The following KCNJ6 variants were observed in gnomAD, a reference collection of about 807,000 sequenced individuals.
The protein encoded by KCNJ6 is G protein-activated inward rectifier potassium channel 2.
KCNJ6 carries 9 observed loss-of-function variants against 34.2 expected under a neutral mutation model. That is an observed-to-expected ratio of 0.26 (90% confidence interval 0.16 to 0.46). The LOEUF (loss-of-function observed/expected upper bound fraction) is 0.46, where lower values mean the gene tolerates loss of function less well. Ranked by LOEUF, KCNJ6 falls within the 20% of genes least tolerant of loss-of-function variation. KCNJ6 has a pLI of 1.00. For missense variants in KCNJ6, 236 were observed against 531.3 expected, an observed-to-expected ratio of 0.44 and a Z score of 5.46; for synonymous variants, 196 against 207.1, an observed-to-expected ratio of 0.95 and a Z score of 0.46.
chr21:37,661,891 G>A (rs2054491326), intron 3 of KCNJ6, among the ~76,000 whole-genome samples: 1 of 151,782 alleles, frequency 6.6e-6, no homozygotes. Flanking sequence ...GCCTCCCAAA[G>A]TGCTGAGATT....
At chr21:37,632,008 G>A (rs901936304) in intron 3 of KCNJ6, among the ~76,000 whole-genome samples, 1 of 152,068 alleles carries the variant, frequency 6.6e-6, no homozygotes. Context: ...GAGTGGCCCC[G>A]ATTGTGTAAA....
At chr21:37,888,870 C>T (rs995101390) in intron 1 of KCNJ6, among the ~76,000 whole-genome samples, 13 of 152,202 alleles carry the variant, frequency 8.5e-5, no homozygotes, top group South Asian at 2.1e-4. Context: ...GGCCATGCTG[C>T]GGCCTAAGCA....
At chr21:37,745,082 T>G (rs1209146382) in intron 2 of KCNJ6, among the ~76,000 whole-genome samples, 6 of 2,130 alleles carry the variant, frequency 2.8e-3, no homozygotes, top group African/African-American at 5.0e-3. Flanking sequence ...GTTTTTTTTT[T>G]TTTTTTTTTT....
chr21:37,895,813 C>T (rs935674206), intron 1 of KCNJ6, among the ~76,000 whole-genome samples: 3 of 152,216 alleles, frequency 2.0e-5, no homozygotes, highest in African/African-American at 2.4e-5. Context: ...AGTTGGAAAT[C>T]TGAGGCAAAG....
At chr21:37,682,028 C>T (rs1424165310) in intron 3 of KCNJ6, among the ~76,000 whole-genome samples, 2 of 152,198 alleles carry the variant, frequency 1.3e-5, no homozygotes, top group African/African-American at 2.4e-5. Context: ...ACATTACTGT[C>T]CTGTTGCTTC....
chr21:37,840,909 A>T (rs770850906), intron 1 of KCNJ6, among the ~76,000 whole-genome samples, 200 bp from the exon 2 acceptor site: 1 of 152,218 alleles, frequency 6.6e-6, no homozygotes, highest in Non-Finnish European at 1.5e-5. Context: ...GGCATTAAAA[A>T]GCTTCCCATT....
chr21:37,625,251 C>G lies in KCNJ6; in HGVS notation c.1180G>C (p.Glu394Gln). 1 of 1,614,210 alleles carries G rather than the reference C, an allele frequency of 6.2e-7. No homozygotes were observed. Residue 394 changes from glutamate (E) to glutamine (Q), a missense_variant, in exon 4 of 4, where the codon GAA becomes CAA. Glu to Gln is a conservative substitution (Grantham distance 29). Around this residue, in one of 5 missense-constraint regions of KCNJ6, gnomAD observed 43 missense variants for 52.1 expected, o/e 0.82. Coordinates refer to ENST00000609713, the MANE Select transcript of KCNJ6 (RefSeq NM_002240.5). ...TTTTCTTCCTCTTCAGTCTCCAGTT[C>G]TGCATGTTGGTTGAGTTTGCTGGAT... ...SVSSKLNQHA[E>Q]LETEEEEKNL...
intron 2 of KCNJ6, among the ~76,000 whole-genome samples, chr21:37,776,086 C>T (rs970484451): frequency 6.6e-6 from 1 of 152,132 alleles, no homozygotes; most frequent in Non-Finnish European, 1.5e-5. Flanking sequence ...AAGCTGGATT[C>T]CTAGGTATTT....
At chr21:37,687,552 C>G (rs142412935) in intron 3 of KCNJ6, among the ~76,000 whole-genome samples, 1 of 152,198 alleles carries the variant, frequency 6.6e-6, no homozygotes, top group South Asian at 2.1e-4. Flanking sequence ...CAGACAGTGA[C>G]GTGTTTGGGC....
At chr21:37,915,429 T>G (rs2055888515) in intron 1 of KCNJ6, among the ~76,000 whole-genome samples, 1 of 152,218 alleles carries the variant, frequency 6.6e-6, no homozygotes, top group South Asian at 2.1e-4. Flanking sequence ...TTTTCCTCCC[T>G]TTCGTGTTGT....
At chr21:37,780,138 T>C (rs1389693920) in intron 2 of KCNJ6, among the ~76,000 whole-genome samples, 1 of 145,714 alleles carries the variant, frequency 6.9e-6, no homozygotes, top group East Asian at 1.9e-4. Flanking sequence ...TAAAAAGACA[T>C]AGTTTTTAAG....
At chr21:37,770,834 CCTT>C (rs1293751170) in intron 2 of KCNJ6, among the ~76,000 whole-genome samples, 5 of 151,926 alleles carry the variant, frequency 3.3e-5, no homozygotes, top group Non-Finnish European at 7.4e-5. Context: ...ATGTTTTCCC[CCTT>C]CTTTTATCTC....
At chr21:37,702,741 G>A (rs994186774) in intron 3 of KCNJ6, among the ~76,000 whole-genome samples, 5 of 152,172 alleles carry the variant, frequency 3.3e-5, no homozygotes, top group Admixed American at 1.3e-4. Flanking sequence ...AATAGGCTCT[G>A]AGGCATTTTG....
intron 2 of KCNJ6, among the ~76,000 whole-genome samples, chr21:37,839,946 GCAC>G (rs1370356323): frequency 1.5e-4 from 23 of 152,084 alleles, no homozygotes; most frequent in Non-Finnish European, 2.9e-4. Context: ...TTGCAGGCAT[GCAC>G]CACCATGCTC....
intron 1 of KCNJ6, among the ~76,000 whole-genome samples, chr21:37,862,911 A>C (rs1447391938): frequency 6.6e-6 from 1 of 152,200 alleles, no homozygotes; most frequent in Admixed American, 6.5e-5. Flanking sequence ...GAGTAGCCAC[A>C]GCTACTGGTT....
At chr21:37,833,480 T>C (rs2055436879) in intron 2 of KCNJ6, among the ~76,000 whole-genome samples, 2 of 152,128 alleles carry the variant, frequency 1.3e-5, no homozygotes, top group Admixed American at 1.3e-4. Context: ...ACATGTGTCA[T>C]GTGTCACTTC....
rs928861476 is a variant in KCNJ6, at chr21:37,613,109, A to AT, written c.*12049dup. ...AAATCAACAATAAGAAAACAACCCG[A>AT]TTTAAAAAAATGCCCAAAAGACCTG... On this transcript the variant is annotated 3_prime_UTR_variant, in exon 4 of 4. Transcript: ENST00000609713. The AT allele has an allele frequency of 4.5e-5, 6 of 134,146 alleles. No homozygotes were observed. The highest frequency in any genetic ancestry group is 1.1e-4 in the African/African-American group (4 of 36,184). The allele number at this position is 134,146 out of a possible 1,614,324, so 8.3% of individuals were successfully genotyped here. A position where few individuals can be genotyped will look rare whatever the true frequency, so the allele number is the denominator to read the frequency against.
intron 3 of KCNJ6, among the ~76,000 whole-genome samples, chr21:37,685,729 G>T: frequency 7.4e-6 from 1 of 135,182 alleles, no homozygotes; most frequent in Non-Finnish European, 1.6e-5. Flanking sequence ...GGATATCAGA[G>T]GTTTACTGCA....
chr21:37,855,014 T>C (rs540739950), intron 1 of KCNJ6, among the ~76,000 whole-genome samples: 36 of 152,254 alleles, frequency 2.4e-4, no homozygotes, highest in African/African-American at 7.9e-4. Flanking sequence ...CAGGATCAAA[T>C]CAATGTTTAT....
Sources: gnomAD v4.1 joint callset for allele counts (sites outside exome capture counted in the v4.1 genomes callset) on GRCh38, gnomAD v4.1.1 for gene constraint, gnomAD v4.1.1 regional missense constraint, MANE v1.5 for transcripts, NCBI Gene and HGNC (gene_info 2026-07-23, HGNC 2026-07-21) for gene names.